PARD6B: variants seen among roughly 807,000 people sequenced by gnomAD.
PARD6B encodes the protein par-6 family cell polarity regulator beta.
A neutral mutation model predicts 10.5 loss-of-function variants in PARD6B; 4 were observed. The ratio of observed to expected loss-of-function variants is 0.38; its 90% CI spans 0.19 to 0.87. The LOEUF (loss-of-function observed/expected upper bound fraction) is 0.87, where lower values mean the gene tolerates loss of function less well. PARD6B is among the 40% of genes least tolerant of loss of function. PARD6B has a pLI of 0.41. For synonymous variants in PARD6B, 169 were observed against 170.4 expected (o/e 0.99, Z 0.07); for missense variants, 396 against 470.6 (o/e 0.84, Z 1.47).
chr20:50,743,660 G>A (rs972941113), intron 2 of PARD6B, among the ~76,000 whole-genome samples: 1 of 152,022 alleles, frequency 6.6e-6, no homozygotes. Context: ...TGGCCGAGGC[G>A]GGCGAATCAC....
At chr20:50,735,348 TAATC>T (rs1257494149) in intron 1 of PARD6B, among the ~76,000 whole-genome samples, 2 of 152,240 alleles carry the variant, frequency 1.3e-5, no homozygotes, top group Non-Finnish European at 2.9e-5. Context: ...GGAAGATTCT[TAATC>T]AATAATCTTG....
chr20:50,740,466 G>A (rs1463469152), intron 2 of PARD6B, among the ~76,000 whole-genome samples: 3 of 152,112 alleles, frequency 2.0e-5, no homozygotes, highest in Admixed American at 6.5e-5. Context: ...CACATGTTTT[G>A]TTAATGGAAT....
chr20:50,744,904 T>TA (rs1423214449), intron 2 of PARD6B, among the ~76,000 whole-genome samples: 1 of 152,194 alleles, frequency 6.6e-6, no homozygotes, highest in Non-Finnish European at 1.5e-5. Context: ...ATAATTTACT[T>TA]AGAGTATTTG....
Position 50,731,779 on chromosome 20 carries a change from C to A in PARD6B, c.-8C>A. ...CGGAGGAGGCCGTCGCGGGGCTCGGCGTTCAGCATGAACCGCAGCCACCGG... is the reference window on the plus strand; with the variant it reads ...CGGAGGAGGCCGTCGCGGGGCTCGGAGTTCAGCATGAACCGCAGCCACCGG... On this transcript the variant is annotated 5_prime_UTR_variant, in exon 1 of 3. Coordinates refer to ENST00000371610, the MANE Select transcript of PARD6B (RefSeq NM_032521.3). 1 of 1,453,994 alleles carries A rather than the reference C, an allele frequency of 6.9e-7. No individual in the cohort carries two copies. Among genetic ancestry groups the A allele is most frequent in the East Asian group, 3.0e-5 (1 of 32,828 alleles). 90.1% of individuals were successfully genotyped at this position (1,453,994 alleles called of 1,614,324 possible).
chr20:50,736,695 G>T (rs918090268), intron 1 of PARD6B, among the ~76,000 whole-genome samples: 76 of 139,582 alleles, frequency 5.4e-4, no homozygotes, highest in African/African-American at 1.5e-3. Context: ...TAGTGTTTTG[G>T]TTTTTTTTTT....
intron 2 of PARD6B, among the ~76,000 whole-genome samples, chr20:50,746,231 A>G (rs1170686955): frequency 6.6e-6 from 1 of 152,188 alleles, no homozygotes; most frequent in Non-Finnish European, 1.5e-5. Flanking sequence ...ATTAATGTTT[A>G]AAGAGTAAGA....
chr20:50,733,438 A>G (rs118097476), intron 1 of PARD6B, among the ~76,000 whole-genome samples: 7,224 of 152,158 alleles, frequency 0.047, 221 homozygotes, highest in South Asian at 0.084. Context: ...AAACAAAACA[A>G]AACAAAAACA....
chr20:50,745,357 G>A (rs2087561316), intron 2 of PARD6B, among the ~76,000 whole-genome samples: 1 of 151,218 alleles, frequency 6.6e-6, no homozygotes, highest in African/African-American at 2.4e-5. Flanking sequence ...CCAGGAGGTG[G>A]AGGTTGCAGT....
chr20:50,751,438 C>T lies in PARD6B; in HGVS notation c.*950C>T. On this transcript the variant is annotated 3_prime_UTR_variant, in exon 3 of 3. Coordinates refer to ENST00000371610, the MANE Select transcript of PARD6B (RefSeq NM_032521.3). ...TGGCGCGATCTTGGCTCACTGCAAG[C>T]TCTACCTCCTGGGTTCACACCATTC... 1.3e-6 allele frequency: 1 copy of T among 767,154 alleles called. No homozygotes were observed. Among genetic ancestry groups the T allele is most frequent in the Non-Finnish European group, 1.6e-6 (1 of 641,064 alleles). 47.5% of individuals were successfully genotyped at this position (767,154 alleles called of 1,614,324 possible). A position where few individuals can be genotyped will look rare whatever the true frequency, so the allele number is the denominator to read the frequency against.
At position 50,747,532 on chromosome 20, in the gene PARD6B, A is replaced by G. The variant is rs147785755; in HGVS notation, c.290-2127A>G. On this transcript the variant is annotated intron_variant, in intron 2 of 2. Coordinates refer to ENST00000371610, the MANE Select transcript of PARD6B (RefSeq NM_032521.3). Reference sequence around the variant, plus strand: ...TTTTTTGCCTAGCCACTGGAAAACCAGGGAGAGGCATTATTGAAGTTGTTG... The same window carrying G: ...TTTTTTGCCTAGCCACTGGAAAACCGGGGAGAGGCATTATTGAAGTTGTTG... Among the ~76,000 whole-genome samples, 625 of 114,744 alleles carry G rather than the reference A, an allele frequency of 5.4e-3. 10 individuals are homozygous for G. The highest frequency in any genetic ancestry group is 0.02 in the African/African-American group (591 of 29,084). 75.3% of individuals were successfully genotyped at this position (114,744 alleles called of 152,430 possible). A position where few individuals can be genotyped will look rare whatever the true frequency, so the allele number is the denominator to read the frequency against.
intron 2 of PARD6B, among the ~76,000 whole-genome samples, chr20:50,742,759 A>G (rs1405358870): frequency 1.3e-5 from 2 of 152,210 alleles, no homozygotes; most frequent in Non-Finnish European, 2.9e-5. Context: ...AAATTTCTTT[A>G]AAGTGAAAGC....
In PARD6B at chr20:50,752,186, C is replaced by T; in HGVS notation, c.*1698C>T. 1 of 985,640 alleles carries T rather than the reference C, an allele frequency of 1.0e-6. No individual in the cohort carries two copies. The highest frequency in any genetic ancestry group is 1.2e-6 in the Non-Finnish European group (1 of 829,766). 61.1% of individuals were successfully genotyped at this position (985,640 alleles called of 1,614,324 possible). ...CTATTCTTGTTCCCATTCCCAGTCT[C>T]ATTTGAAATCATTCCTTTTATTGTT... is the stretch of plus-strand genomic sequence containing the variant. On this transcript the variant is annotated 3_prime_UTR_variant, in exon 3 of 3. Transcript: ENST00000371610.
chr20:50,750,443 A>C lies in PARD6B; in HGVS notation c.1074A>C (p.Pro358=). 6.2e-7 allele frequency: 1 copy of C among 1,614,076 alleles called. No homozygotes were observed. Among genetic ancestry groups the C allele is most frequent in the Non-Finnish European group, 8.5e-7 (1 of 1,179,988 alleles). The change falls in exon 3 of 3, where the codon CCA becomes CCC. Residue 358 remains proline, a synonymous_variant. Coordinates refer to ENST00000371610, the MANE Select transcript of PARD6B (RefSeq NM_032521.3). ...SSNTEFETHA[P]DQKLLEEDGT... ...ACACGGAATTTGAAACACATGCTCC[A>C]GATCAAAAACTCTTAGAAGAAGATG...
At chr20:50,749,171 A>G (rs1242631277) in intron 2 of PARD6B, among the ~76,000 whole-genome samples, 2 of 152,074 alleles carry the variant, frequency 1.3e-5, no homozygotes, top group Non-Finnish European at 2.9e-5. Context: ...GTGAAACCCC[A>G]TCTGTACTAA....
rs754604735 is a variant in PARD6B at position 50,750,375 on chromosome 20, C to G, written c.1006C>G (p.Pro336Ala). ...TGAGTCTGGACAGAATGGCTTTATT[C>G]CCTCTAATGAAGTGAGCTTAGCAGC... Reference protein sequence around the residue: ...SFESGQNGFIPSNEVSLAAIA... With the variant: ...SFESGQNGFIASNEVSLAAIA... Residue 336 changes from proline (P) to alanine (A), a missense_variant, in exon 3 of 3, where the codon CCC (proline) becomes GCC (alanine). By Grantham distance (27) the Pro-to-Ala change is conservative. Coordinates refer to ENST00000371610, the MANE Select transcript of PARD6B (RefSeq NM_032521.3). 1.2e-6 allele frequency: 2 copies of G among 1,614,154 alleles called. No homozygotes were observed. The highest frequency in any genetic ancestry group is 1.7e-6 in the Non-Finnish European group (2 of 1,180,030).
At chr20:50,733,091 G>T (rs1486244088) in intron 1 of PARD6B, among the ~76,000 whole-genome samples, 1 of 152,144 alleles carries the variant, frequency 6.6e-6, no homozygotes, top group Non-Finnish European at 1.5e-5. Flanking sequence ...GAATCACATC[G>T]AGAAAATCGA....
Position 50,752,058 on chromosome 20 carries a change from C to T in PARD6B, c.*1570C>T. 1.0e-6 allele frequency: 1 copy of T among 985,278 alleles called. No individual in the cohort carries two copies. The highest frequency in any genetic ancestry group is 1.2e-6 in the Non-Finnish European group (1 of 829,844). 61.0% of individuals were successfully genotyped at this position (985,278 alleles called of 1,614,324 possible). A position where few individuals can be genotyped will look rare whatever the true frequency, so the allele number is the denominator to read the frequency against. On this transcript the variant is annotated 3_prime_UTR_variant, in exon 3 of 3. Transcript: ENST00000371610. ...GTTGTTCAAATTGGTGTTTGTCCTTCCTATAGCTTTCATATTTTCAAATTA... is the reference window on the plus strand; with the variant it reads ...GTTGTTCAAATTGGTGTTTGTCCTTTCTATAGCTTTCATATTTTCAAATTA...
chr20:50,731,992 G>A, intron 1 of PARD6B, 140 bp downstream of exon 1: 1 of 450,672 alleles, frequency 2.2e-6, no homozygotes, highest in Non-Finnish European at 3.4e-6. Flanking sequence ...GAGACTGTGG[G>A]TAATAAACTT....
chr20:50,753,351 TATC>T lies in PARD6B; in HGVS notation c.*2865_*2867del. 2.0e-6 allele frequency: 2 copies of T among 985,386 alleles called. No homozygotes were observed. Among genetic ancestry groups the T allele is most frequent in the Non-Finnish European group, 2.4e-6 (2 of 829,522 alleles). 61.0% of individuals were successfully genotyped at this position (985,386 alleles called of 1,614,324 possible). ...AATAGATCCTGGTTATACGATAAAA[TATC>T]AGCTCATTGGTAGGCTGAATCAATT... On this transcript the variant is annotated 3_prime_UTR_variant, in exon 3 of 3. Transcript: ENST00000371610.
Sources: allele counts gnomAD v4.1 joint callset (sites outside exome capture counted in the v4.1 genomes callset), GRCh38; gene constraint gnomAD v4.1.1; transcripts MANE v1.5; gene names NCBI Gene and HGNC (gene_info 2026-07-23, HGNC 2026-07-21).